The following SCML4 variants were observed in gnomAD, a reference collection of about 807,000 sequenced individuals.
SCML4 encodes sex comb on midleg-like protein 4.
A neutral mutation model predicts 41.1 loss-of-function variants in SCML4; 34 were observed. The ratio of observed to expected loss-of-function variants is 0.83; its 90% CI spans 0.63 to 1.10. The LOEUF is 1.10. SCML4 is among the 50% of genes least tolerant of loss of function. The pLI is 0.00. For missense variants in SCML4, 522 were observed against 534.1 expected, an observed-to-expected ratio of 0.98 and a Z score of 0.22; for synonymous variants, 214 against 220.9, an observed-to-expected ratio of 0.97 and a Z score of 0.28.
intron 6 of SCML4, among the ~76,000 whole-genome samples, chr6:107,713,007 G>A (rs767970702): frequency 2.6e-5 from 4 of 152,218 alleles, no homozygotes; most frequent in Admixed American, 6.5e-5. Context: ...CCCTGCCAGA[G>A]GCATGTGAAA....
chr6:107,718,826 G>A (rs1775084216), intron 6 of SCML4: 1 of 152,236 alleles, frequency 6.6e-6, no homozygotes, highest in Non-Finnish European at 1.5e-5. Flanking sequence ...AATCAGCATG[G>A]TGTCCTGTGA....
At chr6:107,720,110 T>C in intron 6 of SCML4, 1 of 985,178 alleles carries the variant, frequency 1.0e-6, no homozygotes, top group Non-Finnish European at 1.2e-6. Context: ...ACACTTCCTA[T>C]GCAAGAGACA....
At chr6:107,726,532 C>CAAAAAAAAAAAAA (rs59013088) in intron 5 of SCML4, among the ~76,000 whole-genome samples, 24 of 72,364 alleles carry the variant, frequency 3.3e-4, no homozygotes, top group Non-Finnish European at 4.3e-4. Context: ...GACTCCATCT[C>CAAAAAAAAAAAAA]AAAAAAAAAA....
At chr6:107,758,420 G>C (rs2114532107) in intron 2 of SCML4, among the ~76,000 whole-genome samples, 1 of 152,330 alleles carries the variant, frequency 6.6e-6, no homozygotes, top group South Asian at 2.1e-4. Context: ...TGAGATAATG[G>C]CAGTTTTCTA....
At chr6:107,736,576 A>G (rs553703943) in intron 5 of SCML4, among the ~76,000 whole-genome samples, 152 of 152,334 alleles carry the variant, frequency 1.0e-3, no homozygotes, top group African/African-American at 3.5e-3. Flanking sequence ...GGAGCTCAGC[A>G]CTATCTGCCA....
intron 5 of SCML4, among the ~76,000 whole-genome samples, chr6:107,731,188 C>A (rs758987602): frequency 1.3e-5 from 2 of 152,160 alleles, no homozygotes; most frequent in South Asian, 4.1e-4. Context: ...GAGGGGAAAA[C>A]GGACCTTATG....
upstream of SCML4, among the ~76,000 whole-genome samples, chr6:107,828,055 T>C (rs954182494): frequency 2.0e-5 from 3 of 152,248 alleles, no homozygotes; most frequent in African/African-American, 4.8e-5. Context: ...TGTATCCCAT[T>C]TATGACAATC....
At chr6:107,718,108 T>C (rs1328920189) in intron 6 of SCML4, among the ~76,000 whole-genome samples, 1 of 152,202 alleles carries the variant, frequency 6.6e-6, no homozygotes, top group African/African-American at 2.4e-5. Flanking sequence ...TTACTCAGAC[T>C]GTCAGGGCCT....
At chr6:107,810,474 G>A (rs898885451) in intron 1 of SCML4, among the ~76,000 whole-genome samples, 1 of 152,134 alleles carries the variant, frequency 6.6e-6, no homozygotes, top group Non-Finnish European at 1.5e-5. Context: ...AGAGATAGGT[G>A]GAGATTCCAG....
chr6:107,813,413 TATATATATATAA>T (rs1401961821), intron 1 of SCML4, among the ~76,000 whole-genome samples: 1,435 of 21,366 alleles, frequency 0.067, 137 homozygotes, highest in East Asian at 0.25. Flanking sequence ...TATATATATA[TATATATATATAA>T]AACTGTAAAA....
intron 1 of SCML4, among the ~76,000 whole-genome samples, chr6:107,774,634 T>C (rs1780777522): frequency 6.6e-6 from 1 of 152,196 alleles, no homozygotes; most frequent in Non-Finnish European, 1.5e-5. Flanking sequence ...TTTTTCCTAG[T>C]TTGGGACATG....
intron 5 of SCML4, among the ~76,000 whole-genome samples, chr6:107,724,786 CAT>C (rs1486613341): frequency 6.6e-6 from 1 of 152,152 alleles, no homozygotes; most frequent in East Asian, 1.9e-4. Context: ...TTCCAGAACT[CAT>C]ATGGAATTGC....
At chr6:107,739,654 A>G (rs1777402841) in intron 5 of SCML4, among the ~76,000 whole-genome samples, 2 of 152,228 alleles carry the variant, frequency 1.3e-5, no homozygotes, top group Admixed American at 1.3e-4. Flanking sequence ...CAAACAAAAA[A>G]AAACCTCCAC....
In SCML4 at chr6:107,703,754, C is replaced by T. The variant is rs185612490; in HGVS notation, c.*1446G>A. Among the ~76,000 whole-genome samples, 2 of 152,324 alleles carry T rather than the reference C, an allele frequency of 1.3e-5. No homozygotes were observed. The highest frequency in any genetic ancestry group is 3.9e-4 in the East Asian group (2 of 5,188). ...TGATTCACCTTTGGGCGAAGGGAGG[C>T]CCTGAGTCATCCCTAACCCTCTCCC... On this transcript the variant is annotated 3_prime_UTR_variant, in exon 8 of 8. Transcript: ENST00000369020.
chr6:107,745,105 G>A lies in SCML4; in HGVS notation c.526C>T (p.Leu176=). The A allele has an allele frequency of 1.9e-6, 3 of 1,604,512 alleles. No individual in the cohort carries two copies. Among genetic ancestry groups the A allele is most frequent in the African/African-American group, 1.3e-5 (1 of 74,826 alleles). The change falls in exon 5 of 8, where the codon CTG becomes TTG. Residue 176 remains leucine, a synonymous_variant. Coordinates refer to ENST00000369020, the MANE Select transcript of SCML4 (RefSeq NM_198081.5). ...SFDGKQHLRS[L]PVVNSIGYVL... is the part of the protein sequence containing the mutation. ...TAGCCGATGCTGTTCACCACAGGCA[G>A]GCTCCGCAGGTGCTGTTTGCCATCA...
At chr6:107,795,711 T>C (rs929036229) in intron 1 of SCML4, among the ~76,000 whole-genome samples, 2 of 152,020 alleles carry the variant, frequency 1.3e-5, no homozygotes, top group African/African-American at 2.4e-5. Context: ...TTATCTTTAG[T>C]AGAGATGGTG....
intron 5 of SCML4, chr6:107,731,984 G>C (rs1776603660): frequency 6.6e-6 from 1 of 152,320 alleles, no homozygotes; most frequent in African/African-American, 2.4e-5. Flanking sequence ...CTTGGTGGTT[G>C]TGTCTCTGCC....
At chr6:107,781,413 G>A (rs926573851) in intron 1 of SCML4, among the ~76,000 whole-genome samples, 4 of 152,292 alleles carry the variant, frequency 2.6e-5, no homozygotes, top group Admixed American at 6.5e-5. Flanking sequence ...TTGGGAGGCC[G>A]AGGCGGGTGG....
At chr6:107,802,132 ACT>A (rs1164969389) in intron 1 of SCML4, among the ~76,000 whole-genome samples, 1 of 152,156 alleles carries the variant, frequency 6.6e-6, no homozygotes, top group Non-Finnish European at 1.5e-5. Context: ...TGTTCTGAGC[ACT>A]GAGGATACAG....
Sources: allele counts gnomAD v4.1 joint callset (sites outside exome capture counted in the v4.1 genomes callset), GRCh38; gene constraint gnomAD v4.1.1; transcripts MANE v1.5; gene names NCBI Gene and HGNC (gene_info 2026-07-23, HGNC 2026-07-21).